The following TMEM132C variants were observed in gnomAD, a reference collection of about 807,000 sequenced individuals.
TMEM132C encodes protein phosphatase 1, regulatory subunit 152.
Under a neutral mutation model 61.4 loss-of-function variants are expected in TMEM132C, and 29 were observed. The observed-to-expected ratio is 0.47, with a 90% CI of 0.35 to 0.64. The LOEUF is 0.64. Ranked by LOEUF, TMEM132C falls within the 30% of genes least tolerant of loss-of-function variation. TMEM132C has a pLI of 0.00. For missense variants in TMEM132C, 1,408 were observed against 1,476.9 expected, an observed-to-expected ratio of 0.95 and a Z score of 0.76; for synonymous variants, 656 against 633.1, an observed-to-expected ratio of 1.04 and a Z score of -0.54.
chr12:128,599,110 G>A (rs897010075), intron 3 of TMEM132C, among the ~76,000 whole-genome samples: 2 of 152,112 alleles, frequency 1.3e-5, no homozygotes, highest in Admixed American at 6.5e-5. Flanking sequence ...CCGTTCCTCT[G>A]CGGCTGCAGC....
At chr12:128,641,379 T>C (rs1178915995) in intron 4 of TMEM132C, among the ~76,000 whole-genome samples, 1 of 152,216 alleles carries the variant, frequency 6.6e-6, no homozygotes, top group Non-Finnish European at 1.5e-5. Flanking sequence ...CCTGTAAATA[T>C]GACCTTGCTT....
chr12:128,276,312 A>T (rs1445139768), intron 1 of TMEM132C, among the ~76,000 whole-genome samples: 6 of 152,330 alleles, frequency 3.9e-5, no homozygotes, highest in Non-Finnish European at 8.8e-5. Flanking sequence ...GATATTTTTT[A>T]AAAATAACTG....
At chr12:128,576,776 TG>T (rs1290470206) in intron 3 of TMEM132C, among the ~76,000 whole-genome samples, 3 of 152,238 alleles carry the variant, frequency 2.0e-5, no homozygotes, top group Non-Finnish European at 4.4e-5. Flanking sequence ...ATGCTTTGGT[TG>T]TCGACATTGT....
At chr12:128,503,758 C>T (rs958267355) in intron 2 of TMEM132C, among the ~76,000 whole-genome samples, 1 of 152,204 alleles carries the variant, frequency 6.6e-6, no homozygotes, top group Non-Finnish European at 1.5e-5. Context: ...TGCTCAAGAT[C>T]ACACAGCTGG....
At chr12:128,478,687 A>C (rs1348365797) in intron 2 of TMEM132C, among the ~76,000 whole-genome samples, 2 of 152,204 alleles carry the variant, frequency 1.3e-5, no homozygotes. Context: ...AAGCACTCTC[A>C]GTGCCACATT....
rs11610479 is a variant in TMEM132C, at chr12:128,622,402, A to T, written c.1305+6067A>T. The stretch of plus-strand genomic sequence containing the variant: ...ATATATATATATATATATATATATA[A>T]CCAGGAAACATTCCCAGGGTGGTCT... On this transcript the variant is annotated intron_variant, in intron 4 of 8. Coordinates refer to ENST00000435159, the MANE Select transcript of TMEM132C (RefSeq NM_001136103.3). 6.5e-5 allele frequency among the ~76,000 whole-genome samples: 6 copies of T among 92,898 alleles called. No individual in the cohort carries two copies. The South Asian group carries it at 1.8e-3, about 28-fold the overall frequency. The allele number at this position is 92,898 out of a possible 152,430, so 60.9% of individuals were successfully genotyped here. A position where few individuals can be genotyped will look rare whatever the true frequency, so the allele number is the denominator to read the frequency against.
At chr12:128,361,985 A>T (rs1207515904) in intron 1 of TMEM132C, among the ~76,000 whole-genome samples, 1 of 152,082 alleles carries the variant, frequency 6.6e-6, no homozygotes, top group African/African-American at 2.4e-5. Context: ...TGCTAGAGAG[A>T]GCCAGGAACA....
chr12:128,481,136 A>G (rs1871304492), intron 2 of TMEM132C, among the ~76,000 whole-genome samples: 1 of 152,190 alleles, frequency 6.6e-6, no homozygotes, highest in African/African-American at 2.4e-5. Flanking sequence ...AAACATCCAG[A>G]TGCCTGAATG....
At position 128,697,332 on chromosome 12, in the gene TMEM132C, G is replaced by C; in HGVS notation, c.2038G>C (p.Val680Leu). ...CATCCAGCTCGTGGCTGGGCTGTCT[G>C]TCGCCCTTTACCCCAACGCAGAAAA... ...LAIQLVAGLS[V>L]ALYPNAENSK... The change falls in exon 8 of 9, where the codon GTC (valine) becomes CTC (leucine). Residue 680 changes from valine (V) to leucine (L), a missense_variant. Val to Leu is a conservative substitution (Grantham distance 32). Coordinates refer to ENST00000435159, the MANE Select transcript of TMEM132C (RefSeq NM_001136103.3). 6.4e-7 allele frequency: 1 copy of C among 1,551,372 alleles called. No homozygotes were observed. Among genetic ancestry groups the C allele is most frequent in the Non-Finnish European group, 8.7e-7 (1 of 1,146,722 alleles).
intron 1 of TMEM132C, among the ~76,000 whole-genome samples, chr12:128,357,947 A>G (rs553340489): frequency 1.3e-5 from 2 of 152,036 alleles, no homozygotes; most frequent in East Asian, 3.9e-4. Context: ...TGAATGGAAC[A>G]CACGGCCCCA....
chr12:128,705,544 C>T lies in TMEM132C; in HGVS notation c.2576C>T (p.Thr859Met), dbSNP rs1490862831. The stretch of plus-strand genomic sequence containing the variant: ...GGGGCTCTCCGAAGAGCCACTACCA[C>T]GGCCAGGTCCCTGCTGGACAACAAA... ...EEGALRRATT[T>M]ARSLLDNKVV... Residue 859 changes from threonine (T) to methionine (M), a missense_variant, in exon 9 of 9, where the codon ACG becomes ATG. By Grantham distance (81) the Thr-to-Met change is moderately conservative. Transcript: ENST00000435159. 1.1e-5 allele frequency: 17 copies of T among 1,550,952 alleles called. No homozygotes were observed. Among genetic ancestry groups the T allele is most frequent in the Middle Eastern group, 1.7e-4 (1 of 6,014 alleles).
At chr12:128,546,447 C>T (rs138094209) in intron 3 of TMEM132C, among the ~76,000 whole-genome samples, 9 of 152,198 alleles carry the variant, frequency 5.9e-5, no homozygotes, top group African/African-American at 1.9e-4. Context: ...CTCATAGTGT[C>T]GAGTCCTGAA....
At chr12:128,669,114 T>G (rs1470746003) in intron 4 of TMEM132C, among the ~76,000 whole-genome samples, 2 of 152,204 alleles carry the variant, frequency 1.3e-5, no homozygotes, top group Admixed American at 6.5e-5. Flanking sequence ...CAAACCTAAC[T>G]GATGTATTAC....
At chr12:128,305,598 A>C (rs1451333447) in intron 1 of TMEM132C, among the ~76,000 whole-genome samples, 1 of 151,456 alleles carries the variant, frequency 6.6e-6, no homozygotes, top group Non-Finnish European at 1.5e-5. Context: ...CACAGCTGTT[A>C]AACAGTGGGC....
At chr12:128,359,993 A>G (rs1343234927) in intron 1 of TMEM132C, among the ~76,000 whole-genome samples, 1 of 152,222 alleles carries the variant, frequency 6.6e-6, no homozygotes, top group Non-Finnish European at 1.5e-5. Flanking sequence ...TTAAATTTAA[A>G]TTCTGTTAAA....
At chr12:128,362,960 A>T (rs932186687) in intron 1 of TMEM132C, among the ~76,000 whole-genome samples, 3 of 152,242 alleles carry the variant, frequency 2.0e-5, no homozygotes, top group Admixed American at 2.0e-4. Flanking sequence ...TGAAAATAAA[A>T]AGAGCATGAA....
rs1242891932 is a variant in TMEM132C, at chr12:128,630,482, C to T, written c.1305+14147C>T. ...GGCATCTACTCAAATATCCCCTCCTCACTAGGCCCCCTGACTAACCTGCCT... is the reference window on the plus strand; with the variant it reads ...GGCATCTACTCAAATATCCCCTCCTTACTAGGCCCCCTGACTAACCTGCCT... On this transcript the variant is annotated intron_variant, in intron 4 of 8. Transcript: ENST00000435159. This position sits in a 1 kb window ranked among gnomAD's most constrained non-coding sequence, Gnocchi z 4.3. Among the ~76,000 whole-genome samples the T allele has an allele frequency of 6.6e-6, 1 of 152,204 alleles. No homozygotes were observed. The highest frequency in any genetic ancestry group is 2.4e-5 in the African/African-American group (1 of 41,440).
chr12:128,576,392 C>A (rs1875095762), intron 3 of TMEM132C, among the ~76,000 whole-genome samples: 1 of 152,164 alleles, frequency 6.6e-6, no homozygotes, highest in Admixed American at 6.5e-5. Flanking sequence ...GGAGGCTGAT[C>A]ACCTCTGCAG....
At chr12:128,440,101 C>T (rs983009233) in intron 2 of TMEM132C, among the ~76,000 whole-genome samples, 4 of 152,146 alleles carry the variant, frequency 2.6e-5, no homozygotes, top group African/African-American at 9.7e-5. Context: ...TATGAATAAC[C>T]ACAATTTGAA....
Sources: allele counts gnomAD v4.1 joint callset (sites outside exome capture counted in the v4.1 genomes callset), GRCh38; gene constraint gnomAD v4.1.1; non-coding constraint Gnocchi (gnomAD v3.1); transcripts MANE v1.5; gene names NCBI Gene and HGNC (gene_info 2026-07-23, HGNC 2026-07-21).